SPECC1: variants seen among roughly 807,000 people sequenced by gnomAD.
SPECC1 encodes sperm antigen with calponin homology and coiled-coil domains 1, also known as cytospin-B.
A neutral mutation model predicts 104.1 loss-of-function variants in SPECC1; 62 were observed. That is an observed-to-expected ratio of 0.60 (90% CI 0.49 to 0.74). The LOEUF (loss-of-function observed/expected upper bound fraction) is 0.74, where lower values mean the gene tolerates loss of function less well. SPECC1 is among the 30% of genes least tolerant of loss of function. The pLI is 0.00. For synonymous variants in SPECC1, 513 were observed against 501.6 expected (o/e 1.02, Z -0.30); for missense variants, 1,306 against 1,310.5 (o/e 1.00, Z 0.05).
chr17:20,068,775 G>A (rs2046446703), intron 1 of SPECC1, among the ~76,000 whole-genome samples: 1 of 152,044 alleles, frequency 6.6e-6, no homozygotes, highest in South Asian at 2.1e-4. Context: ...CGTGCTTGTT[G>A]GCCACTTGTA....
intron 3 of SPECC1, among the ~76,000 whole-genome samples, chr17:20,145,205 G>T (rs531860029): frequency 6.6e-6 from 1 of 152,168 alleles, no homozygotes; most frequent in Non-Finnish European, 1.5e-5. Context: ...TTAAATTTCA[G>T]CTCCCTACTT....
intron 2 of SPECC1, among the ~76,000 whole-genome samples, chr17:20,102,969 G>A (rs539592760): frequency 1.3e-5 from 2 of 152,246 alleles, no homozygotes; most frequent in Admixed American, 1.3e-4. Flanking sequence ...CTCTGAAGTG[G>A]GTACCATGAT....
intron 3 of SPECC1, among the ~76,000 whole-genome samples, chr17:20,124,000 G>T (rs997734036): frequency 6.6e-6 from 1 of 152,176 alleles, no homozygotes; most frequent in African/African-American, 2.4e-5. Flanking sequence ...GAAAACCATG[G>T]ATGGGTTGGC....
At chr17:20,263,939 C>T (rs965802376) in intron 12 of SPECC1, among the ~76,000 whole-genome samples, 6 of 152,064 alleles carry the variant, frequency 3.9e-5, no homozygotes, top group African/African-American at 7.2e-5. Flanking sequence ...AAACATTTTA[C>T]GTTTGATGAA....
intron 1 of SPECC1, among the ~76,000 whole-genome samples, chr17:20,091,852 A>G (rs978791570): frequency 4.6e-5 from 7 of 152,076 alleles, no homozygotes; most frequent in African/African-American, 1.7e-4. Context: ...GATTGTCCAG[A>G]ATGGTTTCCC....
intron 1 of SPECC1, among the ~76,000 whole-genome samples, chr17:20,077,519 T>G (rs763374091): frequency 6.6e-6 from 1 of 152,086 alleles, no homozygotes; most frequent in East Asian, 1.9e-4. Context: ...CAGGCTGAAG[T>G]GCAGTGGTAC....
chr17:20,080,143 T>C (rs1370276026), intron 1 of SPECC1, among the ~76,000 whole-genome samples: 1 of 152,218 alleles, frequency 6.6e-6, no homozygotes, highest in Non-Finnish European at 1.5e-5. Context: ...AATGAAATGA[T>C]GCTAAATTTA....
At chr17:20,112,466 T>G in intron 3 of SPECC1, 1 of 766,022 alleles carries the variant, frequency 1.3e-6, no homozygotes, top group Middle Eastern at 3.7e-4. Flanking sequence ...TTCAATCAAG[T>G]CAGAACTGCG....
chr17:20,288,034 A>G (rs2041017534), intron 12 of SPECC1, among the ~76,000 whole-genome samples: 1 of 151,992 alleles, frequency 6.6e-6, no homozygotes, highest in Non-Finnish European at 1.5e-5. Context: ...CCACTTATAA[A>G]TGAGAACATA....
intron 1 of SPECC1, among the ~76,000 whole-genome samples, chr17:20,088,928 C>T (rs546825122): frequency 1.3e-5 from 2 of 152,156 alleles, no homozygotes; most frequent in Non-Finnish European, 2.9e-5. Flanking sequence ...CCATGTGAGG[C>T]GCAGCAAGAA....
Position 20,253,930 on chromosome 17 carries a change from G to A in SPECC1, c.2680+344G>A, listed in dbSNP as rs545561147. Among the ~76,000 whole-genome samples the A allele has an allele frequency of 5.3e-5, 8 of 152,060 alleles. No individual in the cohort carries two copies. In the East Asian group the frequency reaches 1.5e-3, roughly 29 times the overall value. ...GATCCTCCTGCCTCGGCCTCCCACA[G>A]TGCTGGGATTATAGGTGTGAGCCAC... is the stretch of plus-strand genomic sequence containing the variant. On this transcript the variant is annotated intron_variant, in intron 10 of 14. Transcript: ENST00000395527.
intron 2 of SPECC1, among the ~76,000 whole-genome samples, chr17:20,109,881 C>T (rs544140455): frequency 4.6e-5 from 7 of 152,174 alleles, no homozygotes; most frequent in Admixed American, 1.3e-4. Context: ...TGTTTAGAGA[C>T]GAGGTTTCAC....
chr17:20,308,481 T>TTGGTACTACCACTGTAC (rs2041839356), intron 14 of SPECC1, among the ~76,000 whole-genome samples: 3 of 151,466 alleles, frequency 2.0e-5, no homozygotes, highest in Admixed American at 1.3e-4. Context: ...TTGTGAAATC[T>TTGGTACTACCACTGTAC]TACCACCATG....
chr17:20,249,182 G>C (rs986646896), intron 9 of SPECC1, among the ~76,000 whole-genome samples: 1 of 152,184 alleles, frequency 6.6e-6, no homozygotes, highest in African/African-American at 2.4e-5. Context: ...CATTTTGGGA[G>C]GCCGAAGCAG....
At chr17:20,207,826 T>C (rs1481898474) in intron 4 of SPECC1, among the ~76,000 whole-genome samples, 1 of 152,236 alleles carries the variant, frequency 6.6e-6, no homozygotes, top group Non-Finnish European at 1.5e-5. Context: ...AGTATGTCTG[T>C]CCACATTCCA....
chr17:20,083,069 T>TTC (rs5819699), intron 1 of SPECC1, among the ~76,000 whole-genome samples: 75,249 of 151,792 alleles, frequency 0.5, 19,219 homozygotes, highest in Middle Eastern at 0.61. Flanking sequence ...GTATTATTCT[T>TTC]TGAGTCCTGA....
Position 20,162,463 on chromosome 17 carries a change from C to T in SPECC1, c.284-41870C>T, listed in dbSNP as rs907139151. Among the ~76,000 whole-genome samples, 3 of 152,246 alleles carry T rather than the reference C, an allele frequency of 2.0e-5. No homozygotes were observed. In the East Asian group the frequency reaches 5.8e-4, roughly 29 times the overall value. On this transcript the variant is annotated intron_variant, in intron 3 of 14. Coordinates refer to ENST00000395527, the MANE Select transcript of SPECC1 (RefSeq NM_001243439.2). ...GCCCGGCCCAGGCAAATAATTTTTC[C>T]TCGAGCTTCAAATTCTTTATCTAGG...
chr17:20,209,480 TAGG>T (rs1229587725), intron 4 of SPECC1, among the ~76,000 whole-genome samples: 7 of 152,310 alleles, frequency 4.6e-5, no homozygotes, highest in Non-Finnish European at 7.4e-5. Context: ...TTTTTAAAAA[TAGG>T]AGGTAGGTGT....
chr17:20,114,443 G>A (rs572598585), intron 3 of SPECC1, among the ~76,000 whole-genome samples: 2 of 151,846 alleles, frequency 1.3e-5, no homozygotes, highest in East Asian at 3.9e-4. Context: ...ACCTGCCTTA[G>A]CCTCCCAAAG....
Sources: allele counts gnomAD v4.1 joint callset (sites outside exome capture counted in the v4.1 genomes callset), GRCh38; gene constraint gnomAD v4.1.1; transcripts MANE v1.5; gene names NCBI Gene and HGNC (gene_info 2026-07-23, HGNC 2026-07-21).